Variants in RBMS3 observed in about 807,000 individuals in gnomAD.
RBMS3 encodes RNA-binding motif, single-stranded-interacting protein 3.
In RBMS3, 27 loss-of-function variants were observed where a neutral mutation model predicts 66.8. The ratio of observed to expected loss-of-function variants is 0.40; its 90% CI spans 0.30 to 0.56. The LOEUF is 0.56. Ranked by LOEUF, RBMS3 falls within the 20% of genes least tolerant of loss-of-function variation. The pLI is 0.40. For synonymous variants in RBMS3, 188 were observed against 183.0 expected (o/e 1.03, Z -0.22); for missense variants, 513 against 549.5 (o/e 0.93, Z 0.66).
chr3:29,854,900 AC>A (rs1040544332), intron 6 of RBMS3, among the ~76,000 whole-genome samples: 4 of 152,186 alleles, frequency 2.6e-5, no homozygotes, highest in Non-Finnish European at 5.9e-5. Context: ...AAAATGCATC[AC>A]TGTGATGCCT....
intron 4 of RBMS3, among the ~76,000 whole-genome samples, chr3:29,650,210 A>G (rs138984544): frequency 6.6e-6 from 1 of 152,072 alleles, no homozygotes; most frequent in African/African-American, 2.4e-5. Flanking sequence ...AACGAAGTGT[A>G]TTTGAATTCT....
At chr3:29,926,991 G>A (rs1478802245) in intron 10 of RBMS3, 5 of 152,188 alleles carry the variant, frequency 3.3e-5, no homozygotes, top group Non-Finnish European at 1.5e-5. Context: ...GTACACATTG[G>A]CTGTAATATG....
At chr3:29,641,114 G>A (rs1285103784) in intron 4 of RBMS3, 8 of 151,894 alleles carry the variant, frequency 5.3e-5, no homozygotes, top group Admixed American at 4.6e-4. Flanking sequence ...AGCGATAACT[G>A]TCATTTTGGT....
At position 29,591,811 on chromosome 3, in the gene RBMS3, G is replaced by T. The variant is rs1481826973; in HGVS notation, c.399+4606G>T. ...TCTTATTCTAGAGGAAATGTCCGCA[G>T]AAAAGAAGTCACTCCCTCTCAGGGC... On this transcript the variant is annotated intron_variant, in intron 4 of 14. Coordinates refer to ENST00000383767, the MANE Select transcript of RBMS3 (RefSeq NM_001003793.3). Among the ~76,000 whole-genome samples, 4 of 152,138 alleles carry T rather than the reference G, an allele frequency of 2.6e-5. No homozygotes were observed. The East Asian group carries it at 7.7e-4, about 29-fold the overall frequency.
chr3:29,921,728 A>T (rs1473575343), intron 10 of RBMS3, among the ~76,000 whole-genome samples: 1 of 152,164 alleles, frequency 6.6e-6, no homozygotes, highest in African/African-American at 2.4e-5. Context: ...CTCAGTAAAG[A>T]TAGAGGTATT....
Position 29,281,731 on chromosome 3 carries a change from A to G in RBMS3, c.50A>G (p.Tyr17Cys). The G allele has an allele frequency of 1.2e-6, 2 of 1,613,410 alleles. No homozygotes were observed. The highest frequency in any genetic ancestry group is 8.5e-7 in the Non-Finnish European group (1 of 1,179,616). Reference protein sequence around the residue: ...QPQMYPQYTYYYPHYLQTKQS... With the variant: ...QPQMYPQYTYCYPHYLQTKQS... ...CAAATGTACCCCCAGTACACTTACT[A>G]CTATCCTCATTATCTCCAAACCAAG... The change falls in exon 1 of 15, where the codon TAC becomes TGC. Residue 17 changes from tyrosine (Y) to cysteine (C), a missense_variant. Coordinates refer to ENST00000383767, the MANE Select transcript of RBMS3 (RefSeq NM_001003793.3).
intron 10 of RBMS3, among the ~76,000 whole-genome samples, chr3:29,916,674 G>A (rs1270706325): frequency 1.3e-5 from 2 of 151,938 alleles, no homozygotes; most frequent in Non-Finnish European, 2.9e-5. Flanking sequence ...CCAAAAATAT[G>A]TGGGTTGTAT....
chr3:29,294,334 G>A (rs1460382894), intron 1 of RBMS3, among the ~76,000 whole-genome samples: 2 of 151,586 alleles, frequency 1.3e-5, no homozygotes, highest in Non-Finnish European at 1.5e-5. Flanking sequence ...TAAGCACATG[G>A]GTCACTTGGC....
intron 2 of RBMS3, among the ~76,000 whole-genome samples, chr3:29,449,769 A>G (rs1365695232): frequency 1.3e-5 from 2 of 152,234 alleles, no homozygotes; most frequent in Non-Finnish European, 2.9e-5. Flanking sequence ...ATCGTATCCC[A>G]ACATACTTCA....
At chr3:29,769,549 C>T (rs2056099340) in intron 6 of RBMS3, among the ~76,000 whole-genome samples, 1 of 151,770 alleles carries the variant, frequency 6.6e-6, no homozygotes, top group Non-Finnish European at 1.5e-5. Context: ...TCATACTTGC[C>T]TTGATTGCCT....
intron 1 of RBMS3, among the ~76,000 whole-genome samples, chr3:29,288,956 T>C (rs1272225222): frequency 6.6e-6 from 1 of 152,004 alleles, no homozygotes; most frequent in Non-Finnish European, 1.5e-5. Flanking sequence ...AAAAAGCCCC[T>C]GTTAGCTGAA....
rs570007707 is a variant in RBMS3 at position 29,685,313 on chromosome 3, G to A, written c.400-54407G>A. ...CCTGACCTCGTGATCCGCCCGCCTC[G>A]ACCTCCCAAAGTGCTGGCATTACAG... On this transcript the variant is annotated intron_variant, in intron 4 of 14. Transcript: ENST00000383767. 5.3e-5 allele frequency among the ~76,000 whole-genome samples: 8 copies of A among 152,146 alleles called. No homozygotes were observed. In the East Asian group the frequency reaches 5.8e-4, roughly 11 times the overall value.
intron 3 of RBMS3, among the ~76,000 whole-genome samples, chr3:29,574,973 T>TGG (rs1393286134): frequency 6.6e-6 from 1 of 152,132 alleles, no homozygotes; most frequent in Non-Finnish European, 1.5e-5. Context: ...GCAATTGTAG[T>TGG]TATTGTTTTT....
intron 4 of RBMS3, among the ~76,000 whole-genome samples, chr3:29,666,923 T>C (rs2050788266): frequency 6.6e-6 from 1 of 152,168 alleles, no homozygotes; most frequent in Admixed American, 6.5e-5. Context: ...CCTAATTTAT[T>C]AATCTACTAT....
rs71091078 is a variant in RBMS3 at position 29,820,188 on chromosome 3, C to CAA, written c.638-48617_638-48616dup. Among the ~76,000 whole-genome samples, 38 of 69,822 alleles carry CAA rather than the reference C, an allele frequency of 5.4e-4. 1 individual carries two copies. Among genetic ancestry groups the CAA allele is most frequent in the Admixed American group, 1.4e-3 (7 of 4,984 alleles). The allele number at this position is 69,822 out of a possible 152,430, so 45.8% of individuals were successfully genotyped here. A position where few individuals can be genotyped will look rare whatever the true frequency, so the allele number is the denominator to read the frequency against. The stretch of plus-strand genomic sequence containing the variant: ...TGGGTAACAGAGTGAGACTTCTTCT[C>CAA]AAAAAAAAAAAAAAAAAAAAAAAAA... On this transcript the variant is annotated intron_variant, in intron 6 of 14. Transcript: ENST00000383767.
At chr3:29,291,431 A>T (rs923041742) in intron 1 of RBMS3, among the ~76,000 whole-genome samples, 1 of 151,896 alleles carries the variant, frequency 6.6e-6, no homozygotes, top group Non-Finnish European at 1.5e-5. Flanking sequence ...GACACATTGG[A>T]TTGACCTTTG....
intron 4 of RBMS3, among the ~76,000 whole-genome samples, chr3:29,608,042 A>G (rs1414523376): frequency 5.3e-5 from 8 of 151,892 alleles, no homozygotes; most frequent in Non-Finnish European, 1.2e-4. Flanking sequence ...TTCAACATTT[A>G]TTCTACTATG....
chr3:29,556,018 T>C (rs1340465932), intron 3 of RBMS3, among the ~76,000 whole-genome samples: 1 of 152,212 alleles, frequency 6.6e-6, no homozygotes, highest in African/African-American at 2.4e-5. Context: ...TGGGAAAACA[T>C]GTTTTAATTT....
At chr3:29,425,397 T>A (rs1475711020) in intron 1 of RBMS3, among the ~76,000 whole-genome samples, 1 of 150,058 alleles carries the variant, frequency 6.7e-6, no homozygotes, top group Non-Finnish European at 1.5e-5. Flanking sequence ...GGAATTTTAA[T>A]TGTTGGCAAT....
Sources: allele counts gnomAD v4.1 joint callset (sites outside exome capture counted in the v4.1 genomes callset), GRCh38; gene constraint gnomAD v4.1.1; transcripts MANE v1.5; gene names NCBI Gene and HGNC (gene_info 2026-07-23, HGNC 2026-07-21).